The following SOX5 variants were observed in gnomAD, a reference collection of about 807,000 sequenced individuals.
The protein encoded by SOX5 is transcription factor SOX-5.
In SOX5, 9 loss-of-function variants were observed where a neutral mutation model predicts 92.0. The observed-to-expected ratio is 0.10, with a 90% confidence interval of 0.06 to 0.17. SOX5 has a LOEUF of 0.17. Ranked by LOEUF, SOX5 falls within the 10% of genes least tolerant of loss-of-function variation. SOX5 has a pLI of 1.00. For synonymous variants in SOX5, 344 were observed against 336.3 expected (o/e 1.02, Z -0.25); for missense variants, 642 against 944.5 (o/e 0.68, Z 4.20).
At chr12:24,430,533 G>A (rs1007717704) in intron 1 of SOX5, among the ~76,000 whole-genome samples, 4 of 150,964 alleles carry the variant, frequency 2.6e-5, no homozygotes, top group Admixed American at 6.6e-5. Context: ...GTAAAACAGT[G>A]AAAAGAAACC....
chr12:23,969,500 AG>A (rs946310126), intron 4 of SOX5, among the ~76,000 whole-genome samples: 2 of 152,188 alleles, frequency 1.3e-5, no homozygotes, highest in Non-Finnish European at 2.9e-5. Context: ...CAGTTACAGC[AG>A]TTTTATCTCT....
intron 1 of SOX5, among the ~76,000 whole-genome samples, chr12:24,492,205 G>A (rs1016581666): frequency 6.6e-6 from 1 of 152,088 alleles, no homozygotes; most frequent in Non-Finnish European, 1.5e-5. Flanking sequence ...ATAATCCAAA[G>A]TTCAAGGGTA....
intron 2 of SOX5, among the ~76,000 whole-genome samples, chr12:23,882,284 G>T (rs1310036980): frequency 1.3e-5 from 2 of 151,692 alleles, no homozygotes; most frequent in South Asian, 2.1e-4. Context: ...AATAAATGAA[G>T]GACTGAATCT....
At chr12:23,584,779 G>C (rs955819283) in intron 9 of SOX5, among the ~76,000 whole-genome samples, 1 of 151,984 alleles carries the variant, frequency 6.6e-6, no homozygotes. Context: ...TTAAACATTA[G>C]AATGAGACAC....
At chr12:24,047,476 T>C (rs1957159682) in intron 4 of SOX5, among the ~76,000 whole-genome samples, 1 of 152,226 alleles carries the variant, frequency 6.6e-6, no homozygotes, top group Non-Finnish European at 1.5e-5. Flanking sequence ...TCAACACTCA[T>C]TCTGTGTACT....
rs575400263 is a variant in SOX5, at chr12:24,511,626, T to TA, written c.-251+50702dup. Among the ~76,000 whole-genome samples the TA allele has an allele frequency of 1.4e-3, 215 of 152,328 alleles. 2 individuals are homozygous for TA. Among genetic ancestry groups the TA allele is most frequent in the African/African-American group, 5.0e-3 (208 of 41,578 alleles). On this transcript the variant is annotated intron_variant, in intron 1 of 4. Transcript: ENST00000446891. ...GATATATATTTAGGAGGTTGCTCAA[T>TA]AAAAATCATGGCAATCAATAACGAC...
intron 3 of SOX5, among the ~76,000 whole-genome samples, chr12:23,777,803 T>C (rs747186100): frequency 2.3e-4 from 35 of 151,648 alleles, no homozygotes; most frequent in Non-Finnish European, 4.4e-4. Flanking sequence ...GCAGGGGAAA[T>C]AATTTTATCT....
intron 3 of SOX5, among the ~76,000 whole-genome samples, chr12:24,241,288 A>G (rs1365835305): frequency 6.6e-6 from 1 of 152,220 alleles, no homozygotes; most frequent in Non-Finnish European, 1.5e-5. Flanking sequence ...TAGTTTTGAT[A>G]TAGATAATGA....
intron 2 of SOX5, among the ~76,000 whole-genome samples, chr12:24,320,517 A>T (rs1248118585): frequency 6.6e-6 from 1 of 152,176 alleles, no homozygotes; most frequent in East Asian, 1.9e-4. Context: ...AAATATCAGC[A>T]GATTTAATTT....
chr12:24,401,298 G>A (rs542643110), intron 1 of SOX5, among the ~76,000 whole-genome samples: 1 of 150,430 alleles, frequency 6.6e-6, no homozygotes, highest in African/African-American at 2.4e-5. Context: ...GTTGCAGTGA[G>A]CCGAGATCGT....
At chr12:23,953,868 G>A (rs4246220), upstream of SOX5, among the ~76,000 whole-genome samples, 5,378 of 152,026 alleles carry the variant, frequency 0.035, 478 homozygotes, top group East Asian at 0.27. Context: ...CGGTATAATG[G>A]AAAATGGAAT....
intron 2 of SOX5, among the ~76,000 whole-genome samples, chr12:24,292,222 A>T (rs990576894): frequency 6.6e-6 from 1 of 152,240 alleles, no homozygotes; most frequent in African/African-American, 2.4e-5. Context: ...GGTCAGAATC[A>T]CTGACATCAA....
intron 4 of SOX5, among the ~76,000 whole-genome samples, chr12:23,966,815 T>C (rs1231011770): frequency 1.3e-5 from 2 of 152,186 alleles, no homozygotes; most frequent in Non-Finnish European, 2.9e-5. Context: ...TGAAACGTAA[T>C]ATGTATTCAC....
chr12:23,570,560 T>A (rs1947991585), intron 10 of SOX5, among the ~76,000 whole-genome samples: 1 of 151,824 alleles, frequency 6.6e-6, no homozygotes, highest in Non-Finnish European at 1.5e-5. Context: ...GGCGAATCCC[T>A]TGAGTCCAGG....
chr12:24,047,377 C>A (rs1253798237), intron 4 of SOX5, among the ~76,000 whole-genome samples: 1 of 152,170 alleles, frequency 6.6e-6, no homozygotes, highest in Non-Finnish European at 1.5e-5. Flanking sequence ...AGGTTACACA[C>A]AATTTTGCAC....
chr12:23,590,483 C>CA (rs1161423185), intron 9 of SOX5, among the ~76,000 whole-genome samples: 2 of 151,842 alleles, frequency 1.3e-5, no homozygotes, highest in Non-Finnish European at 2.9e-5. Flanking sequence ...CATTTTCCTT[C>CA]AAAAACCTTC....
chr12:23,689,904 G>A (rs755645058), intron 6 of SOX5, among the ~76,000 whole-genome samples: 15 of 152,228 alleles, frequency 9.9e-5, no homozygotes, highest in South Asian at 8.3e-4. Flanking sequence ...AGGCTACCTG[G>A]AGGAAATGCT....
chr12:23,742,212 T>C (rs2093820733), intron 4 of SOX5, among the ~76,000 whole-genome samples: 1 of 152,166 alleles, frequency 6.6e-6, no homozygotes, highest in African/African-American at 2.4e-5. Flanking sequence ...TTTTAGGAAG[T>C]AGCAGCTATA....
chr12:23,894,750 A>G (rs979788080), intron 2 of SOX5, among the ~76,000 whole-genome samples: 16 of 152,210 alleles, frequency 1.1e-4, no homozygotes, highest in African/African-American at 3.9e-4. Flanking sequence ...AGCTCTAAGT[A>G]TATTTATGAC....
Sources: allele counts gnomAD v4.1 joint callset (sites outside exome capture counted in the v4.1 genomes callset), GRCh38; gene constraint gnomAD v4.1.1; transcripts MANE v1.5; gene names NCBI Gene and HGNC (gene_info 2026-07-23, HGNC 2026-07-21).